The following EEPD1 variants were observed in gnomAD, a reference collection of about 807,000 sequenced individuals.
The protein encoded by EEPD1 is endonuclease/exonuclease/phosphatase family domain containing 1, also known as endonuclease/exonuclease/phosphatase family domain-containing protein 1.
In EEPD1, 17 loss-of-function variants were observed where a neutral mutation model predicts 46.3. That is an observed-to-expected ratio of 0.37 (90% CI 0.25 to 0.55). The LOEUF is 0.55. Among genes scored for constraint, EEPD1 ranks in the 20% least tolerant of loss-of-function variants. The probability of loss-of-function intolerance (pLI) is 0.83; values close to 1 mark genes in which losing one functional copy is unlikely to be tolerated. For missense variants in EEPD1, 673 were observed against 745.6 expected (o/e 0.90, Z 1.13); for synonymous variants, 313 against 315.6 (o/e 0.99, Z 0.09).
intron 4 of EEPD1, among the ~76,000 whole-genome samples, chr7:36,284,412 C>G (rs1184694370): frequency 6.6e-6 from 1 of 152,242 alleles, no homozygotes. Context: ...ATCTCTGTGC[C>G]TAGCCGGGGC....
chr7:36,281,070 T>G, intron 3 of EEPD1, 45 bp from the exon 4 acceptor site: 2 of 1,582,746 alleles, frequency 1.3e-6, no homozygotes, highest in Non-Finnish European at 1.7e-6. Context: ...CCGGGACTGC[T>G]TTAGGCGCGA....
At chr7:36,269,497 A>G (rs1583472806) in intron 3 of EEPD1, among the ~76,000 whole-genome samples, 2 of 151,820 alleles carry the variant, frequency 1.3e-5, no homozygotes, top group Admixed American at 1.3e-4. Flanking sequence ...CTGAAAAACT[A>G]AAGAGTCATG....
intron 2 of EEPD1, among the ~76,000 whole-genome samples, chr7:36,168,999 A>G (rs1166652485): frequency 6.6e-6 from 1 of 152,204 alleles, no homozygotes; most frequent in Non-Finnish European, 1.5e-5. Context: ...TTTTTTACTT[A>G]GCATGATGTT....
At chr7:36,234,158 A>G (rs1043778401) in intron 2 of EEPD1, among the ~76,000 whole-genome samples, 1 of 151,956 alleles carries the variant, frequency 6.6e-6, no homozygotes, top group Non-Finnish European at 1.5e-5. Context: ...ACCTCAAATG[A>G]TCTACCTGCC....
chr7:36,275,865 C>T (rs1474234350), intron 3 of EEPD1, among the ~76,000 whole-genome samples: 1 of 152,166 alleles, frequency 6.6e-6, no homozygotes, highest in Non-Finnish European at 1.5e-5. Context: ...CAAAGGTCCA[C>T]AAGCAACATA....
At chr7:36,298,241 G>A (rs1787556864) in intron 7 of EEPD1, among the ~76,000 whole-genome samples, 1 of 152,208 alleles carries the variant, frequency 6.6e-6, no homozygotes, top group African/African-American at 2.4e-5. Flanking sequence ...GGTGTCTATT[G>A]AAGGAAGAGA....
chr7:36,299,221 T>C lies in EEPD1; in HGVS notation c.*15T>C, dbSNP rs780471655. The C allele has an allele frequency of 1.9e-6, 3 of 1,612,160 alleles. No individual in the cohort carries two copies. The highest frequency in any genetic ancestry group is 2.5e-6 in the Non-Finnish European group (3 of 1,179,030). On this transcript the variant is annotated 3_prime_UTR_variant, in exon 8 of 8. Coordinates refer to ENST00000242108, the MANE Select transcript of EEPD1 (RefSeq NM_030636.3). ...ACGAGCGATGATGACACCAAATCCA[T>C]GTGTCCACCCTGGGACCCAGGAGGG...
chr7:36,298,305 G>A (rs1469280036), intron 7 of EEPD1, among the ~76,000 whole-genome samples: 1 of 152,160 alleles, frequency 6.6e-6, no homozygotes. Context: ...CCTTTCAGTG[G>A]TTCCCTTCCT....
intron 5 of EEPD1, among the ~76,000 whole-genome samples, chr7:36,286,814 C>T (rs1440294556): frequency 6.6e-6 from 1 of 152,276 alleles, no homozygotes; most frequent in East Asian, 1.9e-4. Flanking sequence ...TCTATAATAA[C>T]AACCAGCTGT....
intron 2 of EEPD1, among the ~76,000 whole-genome samples, chr7:36,177,839 G>A (rs183107475): frequency 6.6e-6 from 1 of 152,034 alleles, no homozygotes; most frequent in Non-Finnish European, 1.5e-5. Context: ...TCAACCTCCC[G>A]AGTAGCTAGG....
At chr7:36,156,358 G>A (rs1419606950) in intron 2 of EEPD1, among the ~76,000 whole-genome samples, 1 of 152,172 alleles carries the variant, frequency 6.6e-6, no homozygotes, top group Non-Finnish European at 1.5e-5. Context: ...CAGGGAACTG[G>A]ACTGGGGAGC....
chr7:36,264,193 T>A (rs966202800), intron 3 of EEPD1, among the ~76,000 whole-genome samples: 2 of 152,214 alleles, frequency 1.3e-5, no homozygotes, highest in Non-Finnish European at 2.9e-5. Context: ...TCATTTTGTT[T>A]CAGTTCCTCA....
chr7:36,181,046 C>T (rs963862360), intron 2 of EEPD1, among the ~76,000 whole-genome samples: 4 of 152,106 alleles, frequency 2.6e-5, no homozygotes, highest in African/African-American at 7.2e-5. Flanking sequence ...TTTGAGCTTC[C>T]CCAAGACCTG....
At chr7:36,227,675 T>G (rs1461945640) in intron 2 of EEPD1, among the ~76,000 whole-genome samples, 1 of 152,032 alleles carries the variant, frequency 6.6e-6, no homozygotes, top group Non-Finnish European at 1.5e-5. Context: ...TCCCAGCACT[T>G]TGGGTTTTTT....
intron 2 of EEPD1, among the ~76,000 whole-genome samples, chr7:36,213,026 G>T (rs4723493): frequency 0.38 from 57,715 of 151,930 alleles, 11,941 homozygotes; most frequent in Non-Finnish European, 0.46. Context: ...GGTGGCATAC[G>T]CCTGTAATCC....
At chr7:36,156,094 C>T (rs979377600) in intron 2 of EEPD1, among the ~76,000 whole-genome samples, 4 of 152,136 alleles carry the variant, frequency 2.6e-5, no homozygotes, top group East Asian at 1.9e-4. Context: ...GGACTTGAGG[C>T]GTTTTGCCCT....
intron 2 of EEPD1, among the ~76,000 whole-genome samples, chr7:36,161,897 CAAAAA>C (rs10570788): frequency 0.022 from 2,776 of 127,108 alleles, 73 homozygotes; most frequent in African/African-American, 0.073. Flanking sequence ...CTGTCTCTCT[CAAAAA>C]AAAAAAAAAA....
chr7:36,185,194 C>T (rs575560724), intron 2 of EEPD1, among the ~76,000 whole-genome samples: 2 of 152,236 alleles, frequency 1.3e-5, no homozygotes, highest in Non-Finnish European at 2.9e-5. Flanking sequence ...CCACAGGTGT[C>T]TGTATCCTTG....
chr7:36,267,083 A>G (rs1787031253), intron 3 of EEPD1, among the ~76,000 whole-genome samples: 1 of 152,170 alleles, frequency 6.6e-6, no homozygotes, highest in Non-Finnish European at 1.5e-5. Flanking sequence ...TTTGGTGCCA[A>G]GCACATTATC....
Sources: allele counts gnomAD v4.1 joint callset (sites outside exome capture counted in the v4.1 genomes callset), GRCh38; gene constraint gnomAD v4.1.1; transcripts MANE v1.5; gene names NCBI Gene and HGNC (gene_info 2026-07-23, HGNC 2026-07-21).